Variants in AFF2 observed in about 807,000 individuals in gnomAD.
AFF2 encodes AF4/FMR2 family member 2.
AFF2 carries 14 observed loss-of-function variants against 76.9 expected under a neutral mutation model. The ratio of observed to expected loss-of-function variants is 0.18; its 90% CI spans 0.12 to 0.28. AFF2 has a LOEUF of 0.28. Ranked by LOEUF, AFF2 falls within the 10% of genes least tolerant of loss-of-function variation. The pLI, the probability that AFF2 is intolerant of heterozygous loss-of-function variation, is 1.00. For synonymous variants in AFF2, 398 were observed against 366.7 expected, an observed-to-expected ratio of 1.09 and a Z score of -0.98; for missense variants, 868 against 1,001.1, an observed-to-expected ratio of 0.87 and a Z score of 1.79.
chrX:148,639,691 C>T (rs2054067833), intron 1 of AFF2, among the ~76,000 whole-genome samples: 1 of 111,452 alleles, frequency 9.0e-6, no homozygotes, highest in Admixed American at 9.6e-5. Context: ...ATGAATTATG[C>T]ACTGGTGGGT....
chrX:148,970,203 A>G (rs889949583), intron 15 of AFF2, among the ~76,000 whole-genome samples: 1 of 112,408 alleles, frequency 8.9e-6, no homozygotes, highest in Middle Eastern at 4.6e-3. Context: ...ATTGAAACCG[A>G]TATTTCTCCA....
At chrX:148,748,281 T>A (rs1189512646) in intron 3 of AFF2, among the ~76,000 whole-genome samples, 1 of 111,955 alleles carries the variant, frequency 8.9e-6, no homozygotes, top group Non-Finnish European at 1.9e-5. Context: ...AGTATGTAAA[T>A]TAATGCTTAA....
At chrX:148,682,569 G>A (rs1261933156) in intron 3 of AFF2, among the ~76,000 whole-genome samples, 1 of 102,328 alleles carries the variant, frequency 9.8e-6, no homozygotes, top group East Asian at 3.0e-4. Context: ...TTTAAGGATG[G>A]GTGGACAGGT....
chrX:148,787,519 A>G, intron 3 of AFF2, among the ~76,000 whole-genome samples: 1 of 112,475 alleles, frequency 8.9e-6, no homozygotes, highest in South Asian at 3.7e-4. Flanking sequence ...CATGATGTCC[A>G]GTAGTTAGGA....
intron 4 of AFF2, among the ~76,000 whole-genome samples, chrX:148,812,886 C>T (rs545719105): frequency 1.0e-3 from 116 of 112,152 alleles, no homozygotes; most frequent in African/African-American, 3.0e-3. Context: ...TTCTCAGCTC[C>T]CCTTCAAACC....
At chrX:148,916,361 C>A (rs1346289700) in intron 9 of AFF2, among the ~76,000 whole-genome samples, 2 of 107,753 alleles carry the variant, frequency 1.9e-5, no homozygotes, top group Non-Finnish European at 3.8e-5. Context: ...AGGCGCCCGC[C>A]ACCACGCCCG....
chrX:148,563,889 C>T (rs2053140931), intron 1 of AFF2, among the ~76,000 whole-genome samples: 1 of 111,290 alleles, frequency 9.0e-6, no homozygotes. Flanking sequence ...GTGTCAGTGA[C>T]CAGCACATGC....
chrX:148,942,818 A>G (rs1557285732), intron 9 of AFF2, among the ~76,000 whole-genome samples: 2 of 9,744 alleles, frequency 2.1e-4, no homozygotes, highest in African/African-American at 2.4e-4. Flanking sequence ...TCCATCTCAG[A>G]AAAAAAAAAA....
At chrX:148,821,037 A>G (rs2070322004) in intron 4 of AFF2, among the ~76,000 whole-genome samples, 1 of 111,063 alleles carries the variant, frequency 9.0e-6, no homozygotes, top group Non-Finnish European at 1.9e-5. Context: ...GGTGGAATCC[A>G]ACTTTTGAGG....
At chrX:148,853,275 G>T (rs782658035) in intron 7 of AFF2, among the ~76,000 whole-genome samples, 5 of 110,759 alleles carry the variant, frequency 4.5e-5, no homozygotes, top group Non-Finnish European at 9.5e-5. Context: ...TTTAGATTTG[G>T]TCTTCACTCA....
intron 9 of AFF2, among the ~76,000 whole-genome samples, chrX:148,920,275 A>G (rs1363190204): frequency 1.8e-5 from 2 of 111,637 alleles, no homozygotes; most frequent in Non-Finnish European, 1.9e-5. Flanking sequence ...AAGGGGTAGG[A>G]GCCCTGAACC....
At chrX:148,507,170 T>C (rs1557232615) in intron 1 of AFF2, among the ~76,000 whole-genome samples, 1 of 112,493 alleles carries the variant, frequency 8.9e-6, no homozygotes, top group South Asian at 3.6e-4. Context: ...GATAATACTG[T>C]CCCTCTGCCT....
intron 12 of AFF2, among the ~76,000 whole-genome samples, chrX:148,959,127 C>T (rs1460534270): frequency 3.6e-5 from 4 of 111,459 alleles, no homozygotes; most frequent in Non-Finnish European, 5.6e-5. Flanking sequence ...GTTCTTCCTT[C>T]TCTCTGTGTG....
chrX:148,739,224 C>T (rs993320793), intron 3 of AFF2, among the ~76,000 whole-genome samples: 1 of 111,169 alleles, frequency 9.0e-6, no homozygotes, highest in Non-Finnish European at 1.9e-5. Context: ...TATTGAAGTC[C>T]CCCACTATTA....
At position 148,998,302 on chromosome X, in the gene AFF2, T is replaced by C. The variant is rs971751513; in HGVS notation, c.*6970T>C. On this transcript the variant is annotated 3_prime_UTR_variant, in exon 21 of 21. Transcript: ENST00000370460. ...CTCTCTCTGGCTCTGGCTTTTGCTT[T>C]CCTGCTAGTGTTCTTTCTCTTTCCA... 2 of 112,116 alleles carry C rather than the reference T, an allele frequency of 1.8e-5. No individual in the cohort carries two copies. The highest frequency in any genetic ancestry group is 3.3e-5 in the African/African-American group (1 of 30,701). 9.2% of individuals were successfully genotyped at this position (112,116 alleles called of 1,213,427 possible).
chrX:148,978,658 A>T (rs1453581895), intron 18 of AFF2, among the ~76,000 whole-genome samples: 5 of 112,271 alleles, frequency 4.5e-5, no homozygotes, highest in Non-Finnish European at 9.4e-5. Context: ...ACGATGGTGC[A>T]ATCTGCTGAC....
chrX:148,965,952 G>A (rs1557288610), intron 13 of AFF2, among the ~76,000 whole-genome samples: 1 of 111,734 alleles, frequency 8.9e-6, no homozygotes, highest in African/African-American at 3.3e-5. Flanking sequence ...CAGTTGCTGG[G>A]GGCGGGAGGG....
chrX:148,881,907 A>C (rs1458912073), intron 7 of AFF2, among the ~76,000 whole-genome samples: 1 of 111,116 alleles, frequency 9.0e-6, no homozygotes, highest in African/African-American at 3.3e-5. Context: ...TAACATATAG[A>C]AAATTGAGAT....
chrX:148,990,165 GAGA>G (rs1557292096), intron 20 of AFF2, among the ~76,000 whole-genome samples: 1 of 112,477 alleles, frequency 8.9e-6, no homozygotes, highest in African/African-American at 3.2e-5. Flanking sequence ...TTGACACCTA[GAGA>G]AGGATCCCAT....
Sources: gnomAD v4.1 joint callset for allele counts (sites outside exome capture counted in the v4.1 genomes callset) on GRCh38, gnomAD v4.1.1 for gene constraint, MANE v1.5 for transcripts, NCBI Gene and HGNC (gene_info 2026-07-23, HGNC 2026-07-21) for gene names.